Variants in CDKAL1 observed in about 807,000 individuals in gnomAD.
The protein encoded by CDKAL1 is CDKAL1 threonylcarbamoyladenosine tRNA methylthiotransferase, also known as threonylcarbamoyladenosine tRNA methylthiotransferase.
CDKAL1 carries 32 observed loss-of-function variants against 68.2 expected under a neutral mutation model. That is an observed-to-expected ratio of 0.47 (90% confidence interval 0.35 to 0.63). The LOEUF is 0.63. Ranked by LOEUF, CDKAL1 falls within the 30% of genes least tolerant of loss-of-function variation. The pLI is 0.00. For missense variants in CDKAL1, 606 were observed against 696.7 expected, an observed-to-expected ratio of 0.87 and a Z score of 1.47; for synonymous variants, 234 against 244.3, an observed-to-expected ratio of 0.96 and a Z score of 0.39.
intron 7 of CDKAL1, among the ~76,000 whole-genome samples, chr6:20,777,099 G>A (rs942064328): frequency 3.3e-5 from 5 of 152,218 alleles, no homozygotes; most frequent in African/African-American, 7.2e-5. Flanking sequence ...CTGAGCTAGC[G>A]CTATGAGGCT....
rs559600995 is a variant in CDKAL1, at chr6:20,984,525, C to T, written c.910-15702C>T. Among the ~76,000 whole-genome samples the T allele has an allele frequency of 2.0e-5, 3 of 152,228 alleles. No individual in the cohort carries two copies. In the South Asian group the frequency reaches 6.2e-4, roughly 32 times the overall value. ...GCTAAGTGGAGGGTGCACACACACTCGTGGCACCCAAATTCTTGTCTGGCT... is the reference window on the plus strand; with the variant it reads ...GCTAAGTGGAGGGTGCACACACACTTGTGGCACCCAAATTCTTGTCTGGCT... On this transcript the variant is annotated intron_variant, in intron 10 of 15. Coordinates refer to ENST00000274695, the MANE Select transcript of CDKAL1 (RefSeq NM_017774.3).
At chr6:21,075,485 A>G (rs1772023268) in intron 12 of CDKAL1, among the ~76,000 whole-genome samples, 1 of 152,184 alleles carries the variant, frequency 6.6e-6, no homozygotes, top group Admixed American at 6.5e-5. Context: ...GCCTACTGAA[A>G]AAAAAGAGTA....
At chr6:21,033,956 GA>G (rs1769433663) in intron 11 of CDKAL1, among the ~76,000 whole-genome samples, 1 of 150,244 alleles carries the variant, frequency 6.7e-6, no homozygotes. Context: ...GGTTTACCAG[GA>G]AGCTAATAGT....
chr6:20,551,241 G>A (rs1197279282), intron 4 of CDKAL1, among the ~76,000 whole-genome samples: 5 of 152,106 alleles, frequency 3.3e-5, no homozygotes, highest in African/African-American at 1.2e-4. Flanking sequence ...CCTGACCATT[G>A]TTCTGTACCT....
chr6:20,775,999 T>TAA lies in CDKAL1; in HGVS notation c.518-5136_518-5135dup, dbSNP rs59841924. 1.6e-3 allele frequency among the ~76,000 whole-genome samples: 236 copies of TAA among 146,464 alleles called. 4 individuals are homozygous for TAA. In the East Asian group the frequency reaches 0.045, roughly 28 times the overall value. ...TCTTTAGTGTGCAATAGTTTTCAAT[T>TAA]AAAAAAAAAAACAGACTATTGTTAG... On this transcript the variant is annotated intron_variant, in intron 7 of 15. Coordinates refer to ENST00000274695, the MANE Select transcript of CDKAL1 (RefSeq NM_017774.3).
intron 11 of CDKAL1, among the ~76,000 whole-genome samples, chr6:21,042,293 C>A (rs1342130358): frequency 6.6e-6 from 1 of 151,452 alleles, no homozygotes. Context: ...CCACCATTCA[C>A]CCCTGTCTCT....
chr6:20,721,860 G>A (rs968617770), intron 5 of CDKAL1, among the ~76,000 whole-genome samples: 2 of 150,248 alleles, frequency 1.3e-5, no homozygotes, highest in African/African-American at 4.9e-5. Context: ...AGCCTCCCGA[G>A]TAGCTGGGAC....
At chr6:21,133,376 G>A (rs547249413) in intron 13 of CDKAL1, among the ~76,000 whole-genome samples, 1 of 152,228 alleles carries the variant, frequency 6.6e-6, no homozygotes, top group Non-Finnish European at 1.5e-5. Context: ...CCCAGCCCTG[G>A]TGCTCAGGAC....
chr6:20,580,558 G>C (rs1406132658), intron 4 of CDKAL1, among the ~76,000 whole-genome samples: 1 of 152,044 alleles, frequency 6.6e-6, no homozygotes, highest in Non-Finnish European at 1.5e-5. Context: ...TTCTGCCCCT[G>C]TGTCCTTCAT....
At chr6:21,098,984 T>C (rs1166199701) in intron 12 of CDKAL1, among the ~76,000 whole-genome samples, 1 of 152,150 alleles carries the variant, frequency 6.6e-6, no homozygotes, top group Non-Finnish European at 1.5e-5. Flanking sequence ...TAGTTGACCA[T>C]GCATTATGAA....
intron 13 of CDKAL1, among the ~76,000 whole-genome samples, chr6:21,166,482 G>A (rs540364657): frequency 6.6e-6 from 1 of 152,272 alleles, no homozygotes; most frequent in Non-Finnish European, 1.5e-5. Context: ...GCATAGACCT[G>A]CAGGAGTGCC....
At chr6:20,878,598 G>A (rs937260540) in intron 9 of CDKAL1, among the ~76,000 whole-genome samples, 1 of 151,596 alleles carries the variant, frequency 6.6e-6, no homozygotes, top group Non-Finnish European at 1.5e-5. Flanking sequence ...AAAATTAGCC[G>A]GGTGTGGTGA....
chr6:20,946,248 C>G (rs1764230968), intron 9 of CDKAL1, among the ~76,000 whole-genome samples: 1 of 152,196 alleles, frequency 6.6e-6, no homozygotes, highest in South Asian at 2.1e-4. Flanking sequence ...ATTCTAACCA[C>G]ACTGACCTCT....
rs116525140 is a variant in CDKAL1 at position 20,979,812 on chromosome 6, C to A, written c.910-20415C>A. Among the ~76,000 whole-genome samples, 807 of 149,480 alleles carry A rather than the reference C, an allele frequency of 5.4e-3. 7 individuals carry two copies. Among genetic ancestry groups the A allele is most frequent in the African/African-American group, 0.019 (774 of 40,378 alleles). On this transcript the variant is annotated intron_variant, in intron 10 of 15. Coordinates refer to ENST00000274695, the MANE Select transcript of CDKAL1 (RefSeq NM_017774.3). ...TTTGGGACAGCATCTCACTTTGTCA[C>A]CCATGCTGGGGTGCAGTGGCATAAT...
At chr6:21,206,118 A>C (rs1233358158) in intron 15 of CDKAL1, among the ~76,000 whole-genome samples, 3 of 151,820 alleles carry the variant, frequency 2.0e-5, no homozygotes, top group Admixed American at 2.0e-4. Context: ...GGCGTGAGCC[A>C]CCACACCGGA....
chr6:20,896,451 T>C (rs568840121), intron 9 of CDKAL1, among the ~76,000 whole-genome samples: 2 of 152,270 alleles, frequency 1.3e-5, no homozygotes, highest in East Asian at 1.9e-4. Flanking sequence ...GTAGGAAGAA[T>C]AGATAAGAAA....
chr6:21,096,382 G>A (rs755503244), intron 12 of CDKAL1, among the ~76,000 whole-genome samples: 7 of 152,160 alleles, frequency 4.6e-5, no homozygotes, highest in Non-Finnish European at 1.0e-4. Flanking sequence ...TAGAGTTTGC[G>A]CAGATCCAGA....
intron 4 of CDKAL1, among the ~76,000 whole-genome samples, chr6:20,609,540 T>C (rs1165380617): frequency 2.6e-5 from 4 of 151,578 alleles, no homozygotes; most frequent in East Asian, 1.9e-4. Context: ...GGATTACAGG[T>C]GTGCACCACC....
chr6:21,186,081 A>AG (rs577243375), intron 13 of CDKAL1, among the ~76,000 whole-genome samples: 5 of 136,252 alleles, frequency 3.7e-5, no homozygotes, highest in Non-Finnish European at 6.3e-5. Context: ...GGGGTGGGGC[A>AG]GGGGGGGTCA....
Sources: allele counts gnomAD v4.1 joint callset (sites outside exome capture counted in the v4.1 genomes callset), GRCh38; gene constraint gnomAD v4.1.1; transcripts MANE v1.5; gene names NCBI Gene and HGNC (gene_info 2026-07-23, HGNC 2026-07-21).